CATSPERB: variants seen among roughly 807,000 people sequenced by gnomAD.
CATSPERB encodes catsper channel auxiliary subunit beta, also known as cation channel sperm-associated auxiliary subunit beta.
CATSPERB carries 93 observed loss-of-function variants against 128.3 expected under a neutral mutation model. The ratio of observed to expected loss-of-function variants is 0.72; its 90% CI spans 0.61 to 0.86. CATSPERB has a LOEUF of 0.86. Ranked by LOEUF, CATSPERB falls within the 40% of genes least tolerant of loss-of-function variation. The pLI, the probability that CATSPERB is intolerant of heterozygous loss-of-function variation, is 0.00. For synonymous variants in CATSPERB, 381 were observed against 448.8 expected (o/e 0.85, Z 1.91); for missense variants, 1,153 against 1,329.5 (o/e 0.87, Z 2.06).
In CATSPERB at chr14:91,707,508, T is replaced by C. The variant is rs111276111; in HGVS notation, c.466+633A>G. ...TACTTACTTTTTTGGAATAAGTAAATATAATCAACTTTATAAGCCATTGTT... is the reference window on the plus strand; with the variant it reads ...TACTTACTTTTTTGGAATAAGTAAACATAATCAACTTTATAAGCCATTGTT... On this transcript the variant is annotated intron_variant, in intron 6 of 26. Coordinates refer to ENST00000256343, the MANE Select transcript of CATSPERB (RefSeq NM_024764.4). Among the ~76,000 whole-genome samples the C allele has an allele frequency of 4.8e-3, 732 of 151,004 alleles. 6 individuals carry two copies. The highest frequency in any genetic ancestry group is 0.017 in the African/African-American group (691 of 41,004).
chr14:91,693,574 C>T, intron 7 of CATSPERB, 95 bp from the exon 8 acceptor site: 1 of 784,854 alleles, frequency 1.3e-6, no homozygotes, highest in Non-Finnish European at 2.2e-6. Context: ...AACTCCCTCT[C>T]AGCACTATGA....
intron 26 of CATSPERB, among the ~76,000 whole-genome samples, chr14:91,581,882 G>A (rs1253632703): frequency 6.6e-6 from 1 of 152,188 alleles, no homozygotes; most frequent in African/African-American, 2.4e-5. Context: ...CTGATGAATG[G>A]AACTAGGACA....
Position 91,672,967 on chromosome 14 carries a change from C to T in CATSPERB, c.1028G>A (p.Cys343Tyr), listed in dbSNP as rs1895125147. ...SQEPFLEWVP[C>Y]LPHIFKGIKI... Reference sequence around the variant, plus strand: ...TATTCCTTTAAAAATGTGAGGTAAGCAGGGTACCCATTCAAGAAATGGTTC... The same window carrying T: ...TATTCCTTTAAAAATGTGAGGTAAGTAGGGTACCCATTCAAGAAATGGTTC... The change falls in exon 13 of 27, where the codon TGC (cysteine) becomes TAC (tyrosine). Residue 343 changes from cysteine (C) to tyrosine (Y), a missense_variant. Physicochemically the swap from Cys to Tyr is radical, Grantham distance 194. Transcript: ENST00000256343. 1 of 1,591,944 alleles carries T rather than the reference C, an allele frequency of 6.3e-7. No individual in the cohort carries two copies. Among genetic ancestry groups the T allele is most frequent in the Non-Finnish European group, 8.5e-7 (1 of 1,174,968 alleles).
At chr14:91,682,513 T>C (rs1895299493) in intron 11 of CATSPERB, among the ~76,000 whole-genome samples, 1 of 152,094 alleles carries the variant, frequency 6.6e-6, no homozygotes. Flanking sequence ...GCAAAACAGC[T>C]CCTTCTCACA....
At chr14:91,618,965 G>A (rs1156584592) in intron 19 of CATSPERB, among the ~76,000 whole-genome samples, 2 of 152,302 alleles carry the variant, frequency 1.3e-5, no homozygotes, top group African/African-American at 4.8e-5. Context: ...ACCTTCAGTA[G>A]ATTTGACTAG....
intron 17 of CATSPERB, among the ~76,000 whole-genome samples, chr14:91,633,868 T>C (rs1039462058): frequency 1.3e-5 from 2 of 150,930 alleles, no homozygotes; most frequent in African/African-American, 2.4e-5. Flanking sequence ...AGAGAGAGAG[T>C]GTCAGGAACA....
chr14:91,636,506 T>G lies in CATSPERB; in HGVS notation c.1661A>C (p.Tyr554Ser). ...TSLDEIIFFAYVPENEPQETI... is the reference protein window; with the variant it reads ...TSLDEIIFFASVPENEPQETI... ...TTCCTGGGGTTCGTTCTCAGGTACA[T>G]ATGCAAAAAAGATAATTTCATCTAA... The change falls in exon 17 of 27, where the codon TAT (tyrosine) becomes TCT (serine). Residue 554 changes from tyrosine to serine, a missense_variant. Physicochemically the swap from Tyr to Ser is moderately radical, Grantham distance 144 (BLOSUM62 -2). Transcript: ENST00000256343. 6.2e-7 allele frequency: 1 copy of G among 1,614,046 alleles called. No homozygotes were observed. Among genetic ancestry groups the G allele is most frequent in the Non-Finnish European group, 8.5e-7 (1 of 1,179,986 alleles).
At chr14:91,726,020 C>T (rs1168198821) in intron 2 of CATSPERB, among the ~76,000 whole-genome samples, 3 of 152,104 alleles carry the variant, frequency 2.0e-5, no homozygotes, top group South Asian at 2.1e-4. Flanking sequence ...TGGGGATGGT[C>T]GGAGAGGCCA....
intron 15 of CATSPERB, 48 bp from the exon 16 acceptor site, chr14:91,639,298 CG>C: frequency 6.5e-7 from 1 of 1,535,312 alleles, no homozygotes. Flanking sequence ...TAACAGAAGT[CG>C]AAAAACTTTA....
At chr14:91,649,417 C>G (rs1381414164) in intron 15 of CATSPERB, among the ~76,000 whole-genome samples, 1 of 151,890 alleles carries the variant, frequency 6.6e-6, no homozygotes, top group Non-Finnish European at 1.5e-5. Flanking sequence ...ATGCTCCCGC[C>G]TTGGCCTCCC....
chr14:91,628,392 T>C (rs1743135), intron 17 of CATSPERB, among the ~76,000 whole-genome samples: 101,028 of 152,108 alleles, frequency 0.66, 34,389 homozygotes, highest in Admixed American at 0.76. Flanking sequence ...CCAAAGAATA[T>C]ATGCAGATGG....
At chr14:91,592,129 C>T (rs1417942582) in intron 22 of CATSPERB, 127 bp from the exon 23 acceptor site, 1 of 688,984 alleles carries the variant, frequency 1.5e-6, no homozygotes, top group Non-Finnish European at 2.6e-6. Flanking sequence ...AAGGGGAAAG[C>T]AATTCATTAA....
chr14:91,636,190 C>T, intron 17 of CATSPERB: 1 of 431,198 alleles, frequency 2.3e-6, no homozygotes, highest in Non-Finnish European at 4.1e-6. Flanking sequence ...TGGTGAAACC[C>T]CATCTCTACA....
chr14:91,581,257 T>G lies in CATSPERB; in HGVS notation c.3133-150A>C, dbSNP rs541772332. 8 of 654,702 alleles carry G rather than the reference T, an allele frequency of 1.2e-5. No homozygotes were observed. In the African/African-American group the frequency reaches 1.5e-4, roughly 12 times the overall value. 40.6% of individuals were successfully genotyped at this position (654,702 alleles called of 1,614,324 possible). A position where few individuals can be genotyped will look rare whatever the true frequency, so the allele number is the denominator to read the frequency against. Reference sequence around the variant, plus strand: ...ATCCACAAAGCTTGGAAACAGTCTCTTGACAGTTGAACAAGTAACAATTTG... The same window carrying G: ...ATCCACAAAGCTTGGAAACAGTCTCGTGACAGTTGAACAAGTAACAATTTG... On this transcript the variant is annotated intron_variant, in intron 26 of 26. Transcript: ENST00000256343.
Position 91,621,894 on chromosome 14 carries a change from T to A in CATSPERB, c.1974A>T (p.Val658=), listed in dbSNP as rs147320295. 2,776 of 1,613,166 alleles carry A rather than the reference T, an allele frequency of 1.7e-3. 2 individuals carry two copies. Among genetic ancestry groups the A allele is most frequent in the Middle Eastern group, 2.3e-3 (14 of 6,056 alleles). ...GGAAGCTGCTGTACCCGGGAAGCACTACAGTCTTCTCTATATCTGTATCTT... is the reference window on the plus strand; with the variant it reads ...GGAAGCTGCTGTACCCGGGAAGCACAACAGTCTTCTCTATATCTGTATCTT... The part of the protein sequence containing the change: ...LFEDTDIEKT[V]VLPGYSSFLI... Residue 658 remains valine (V), a synonymous_variant, in exon 19 of 27, where the codon GTA becomes GTT. Coordinates refer to ENST00000256343, the MANE Select transcript of CATSPERB (RefSeq NM_024764.4).
chr14:91,629,630 A>G (rs1322506367), intron 17 of CATSPERB, among the ~76,000 whole-genome samples: 1 of 152,196 alleles, frequency 6.6e-6, no homozygotes, highest in African/African-American at 2.4e-5. Flanking sequence ...GGACAGAGGT[A>G]TATAGGAACT....
At chr14:91,605,302 A>G in intron 22 of CATSPERB, 1 of 869,188 alleles carries the variant, frequency 1.2e-6, no homozygotes, top group Non-Finnish European at 1.9e-6. Context: ...TTTGTGAACA[A>G]GCTGGAGCCA....
chr14:91,586,301 C>T lies in CATSPERB; in HGVS notation c.3132+901G>A, dbSNP rs1893297087. On this transcript the variant is annotated intron_variant, in intron 26 of 26. Coordinates refer to ENST00000256343, the MANE Select transcript of CATSPERB (RefSeq NM_024764.4). The stretch of plus-strand genomic sequence containing the variant: ...TCTATGAGAATTTTAGCCCTCTGTG[C>T]TATTGTGCTGTTCCCCACAACCAGG... Among the ~76,000 whole-genome samples, 4 of 152,244 alleles carry T rather than the reference C, an allele frequency of 2.6e-5. No individual in the cohort carries two copies. In the South Asian group the frequency reaches 8.3e-4, roughly 32 times the overall value.
intron 21 of CATSPERB, 147 bp downstream of exon 21, chr14:91,610,333 C>G: frequency 1.6e-6 from 1 of 631,320 alleles, no homozygotes; most frequent in Non-Finnish European, 2.7e-6. Flanking sequence ...ATCATCACAT[C>G]CTCAAAATGA....
Sources: allele counts gnomAD v4.1 joint callset (sites outside exome capture counted in the v4.1 genomes callset), GRCh38; gene constraint gnomAD v4.1.1; transcripts MANE v1.5; gene names NCBI Gene and HGNC (gene_info 2026-07-23, HGNC 2026-07-21).